ZNHIT6: variants seen among roughly 807,000 people sequenced by gnomAD.
ZNHIT6 encodes box C/D snoRNA protein 1.
A neutral mutation model predicts 57.2 loss-of-function variants in ZNHIT6; 45 were observed. The observed-to-expected ratio is 0.79, with a 90% CI of 0.62 to 1.01. ZNHIT6 has a LOEUF of 1.01. Ranked by LOEUF, ZNHIT6 falls within the 50% of genes least tolerant of loss-of-function variation. The pLI, the probability that ZNHIT6 is intolerant of heterozygous loss-of-function variation, is 0.00. For missense variants in ZNHIT6, 528 were observed against 567.3 expected (o/e 0.93, Z 0.70); for synonymous variants, 188 against 190.0 (o/e 0.99, Z 0.09).
chr1:85,659,132 T>A (rs555627145), intron 8 of ZNHIT6, among the ~76,000 whole-genome samples: 3 of 152,186 alleles, frequency 2.0e-5, no homozygotes, highest in Non-Finnish European at 4.4e-5. Flanking sequence ...AAATACAGAG[T>A]TTATCGTGAC....
chr1:85,708,160 A>G lies in ZNHIT6; in HGVS notation c.125T>C (p.Phe42Ser). The G allele has an allele frequency of 6.2e-7, 1 of 1,613,802 alleles. No individual in the cohort carries two copies. The highest frequency in any genetic ancestry group is 8.5e-7 in the Non-Finnish European group (1 of 1,179,950). Residue 42 changes from phenylalanine to serine, a missense_variant, in exon 1 of 10, where the codon TTC (phenylalanine) becomes TCC (serine). Transcript: ENST00000370574. Reference sequence around the variant, plus strand: ...CCCTGTCCCCTCCTCTCCGCCGCCGAACTCCTCCGCCCCTGCTAAGTCCCT... The same window carrying G: ...CCCTGTCCCCTCCTCTCCGCCGCCGGACTCCTCCGCCCCTGCTAAGTCCCT... ...GVRDLAGAEEFGGGEEGTGLT... is the reference protein window; with the variant it reads ...GVRDLAGAEESGGGEEGTGLT...
At chr1:85,657,254 CACAAAATCAGAGAA>C (rs931531575) in intron 9 of ZNHIT6, among the ~76,000 whole-genome samples, 39 of 152,120 alleles carry the variant, frequency 2.6e-4, no homozygotes, top group African/African-American at 8.2e-4. Flanking sequence ...TTCCCTATAT[CACAAAATCAGAGAA>C]ACAAAATCAG....
chr1:85,674,550 G>T (rs1661650054), intron 8 of ZNHIT6, among the ~76,000 whole-genome samples: 1 of 152,142 alleles, frequency 6.6e-6, no homozygotes. Flanking sequence ...AAAAAGGTCA[G>T]TTTTGTTTAG....
At chr1:85,677,016 C>T (rs1182248492) in intron 8 of ZNHIT6, among the ~76,000 whole-genome samples, 1 of 152,058 alleles carries the variant, frequency 6.6e-6, no homozygotes, top group African/African-American at 2.4e-5. Flanking sequence ...TTCTATTTCC[C>T]CTATATCAGT....
At chr1:85,677,607 A>G (rs1661741402) in intron 7 of ZNHIT6, among the ~76,000 whole-genome samples, 1 of 152,248 alleles carries the variant, frequency 6.6e-6, no homozygotes, top group Non-Finnish European at 1.5e-5. Flanking sequence ...CAAATATATG[A>G]CTAATGATAA....
intron 8 of ZNHIT6, among the ~76,000 whole-genome samples, chr1:85,661,007 A>G (rs565156033): frequency 6.6e-6 from 1 of 152,306 alleles, no homozygotes; most frequent in South Asian, 2.1e-4. Flanking sequence ...CTGTTAAATG[A>G]AGCGTTCAGA....
intron 8 of ZNHIT6, among the ~76,000 whole-genome samples, chr1:85,670,099 G>A (rs1661514538): frequency 6.6e-6 from 1 of 151,812 alleles, no homozygotes; most frequent in Non-Finnish European, 1.5e-5. Flanking sequence ...GAGAATTGAA[G>A]CCCCCAACTG....
At chr1:85,696,985 C>T (rs1331387652) in intron 5 of ZNHIT6, among the ~76,000 whole-genome samples, 4 of 151,430 alleles carry the variant, frequency 2.6e-5, no homozygotes, top group East Asian at 2.0e-4. Context: ...CTCAGCCTCC[C>T]GAGTAGCTGG....
intron 8 of ZNHIT6, among the ~76,000 whole-genome samples, chr1:85,668,820 CA>C (rs1255497206): frequency 6.6e-6 from 1 of 152,096 alleles, no homozygotes; most frequent in Admixed American, 6.5e-5. Context: ...TTTCTTTATA[CA>C]ACTTCAACAA....
At chr1:85,660,327 G>T (rs564759971) in intron 8 of ZNHIT6, among the ~76,000 whole-genome samples, 1 of 152,178 alleles carries the variant, frequency 6.6e-6, no homozygotes, top group East Asian at 1.9e-4. Context: ...AAATCATAAG[G>T]CTTCTAATGA....
chr1:85,662,356 C>T (rs538464752), intron 8 of ZNHIT6, among the ~76,000 whole-genome samples: 1 of 152,136 alleles, frequency 6.6e-6, no homozygotes, highest in South Asian at 2.1e-4. Context: ...AGTATTTTTC[C>T]ACTAAAATAA....
At chr1:85,705,068 C>CA (rs1272138809) in intron 4 of ZNHIT6, among the ~76,000 whole-genome samples, 1 of 152,180 alleles carries the variant, frequency 6.6e-6, no homozygotes, top group Admixed American at 6.5e-5. Context: ...GGAAGAGCTG[C>CA]ATAATTGGTC....
chr1:85,674,905 T>C (rs1292191032), intron 8 of ZNHIT6, among the ~76,000 whole-genome samples: 1 of 151,478 alleles, frequency 6.6e-6, no homozygotes, highest in Non-Finnish European at 1.5e-5. Context: ...TAATAAAAGA[T>C]AAACAGGGGA....
intron 4 of ZNHIT6, 45 bp downstream of exon 4, chr1:85,706,033 G>A: frequency 3.0e-6 from 4 of 1,334,854 alleles, no homozygotes; most frequent in Non-Finnish European, 4.2e-6. Flanking sequence ...GAATCTAATT[G>A]ATTTGAAGGA....
intron 5 of ZNHIT6, among the ~76,000 whole-genome samples, chr1:85,700,224 G>A (rs776028574): frequency 6.6e-6 from 1 of 151,996 alleles, no homozygotes; most frequent in African/African-American, 2.4e-5. Flanking sequence ...CTTCCCACAT[G>A]CCAGTTACTG....
At chr1:85,661,076 T>C (rs746011172) in intron 8 of ZNHIT6, among the ~76,000 whole-genome samples, 5 of 152,212 alleles carry the variant, frequency 3.3e-5, no homozygotes, top group African/African-American at 7.2e-5. Flanking sequence ...CTACTACAAG[T>C]GGTTACTCTT....
intron 8 of ZNHIT6, among the ~76,000 whole-genome samples, chr1:85,667,628 T>A (rs1661407084): frequency 1.4e-5 from 2 of 138,054 alleles, no homozygotes; most frequent in Non-Finnish European, 3.1e-5. Context: ...TATCATCCAT[T>A]AAAAAAAAAA....
chr1:85,692,001 T>G (rs759830801), intron 5 of ZNHIT6, among the ~76,000 whole-genome samples: 2 of 152,108 alleles, frequency 1.3e-5, no homozygotes, highest in Non-Finnish European at 2.9e-5. Flanking sequence ...AAACCCTGCC[T>G]CTAGTAAAAA....
chr1:85,697,564 A>G (rs961533373), intron 5 of ZNHIT6, among the ~76,000 whole-genome samples: 5 of 152,200 alleles, frequency 3.3e-5, no homozygotes, highest in Admixed American at 2.6e-4. Context: ...TTTATTTTCT[A>G]TGATCTAGTT....
Sources: allele counts gnomAD v4.1 joint callset (sites outside exome capture counted in the v4.1 genomes callset), GRCh38; gene constraint gnomAD v4.1.1; transcripts MANE v1.5; gene names NCBI Gene and HGNC (gene_info 2026-07-23, HGNC 2026-07-21).